Variants in GPALPP1 observed in about 807,000 individuals in gnomAD.
The protein encoded by GPALPP1 is GPALPP motifs-containing protein 1.
GPALPP1 carries 30 observed loss-of-function variants against 38.9 expected under a neutral mutation model. The ratio of observed to expected loss-of-function variants is 0.77; its 90% confidence interval spans 0.58 to 1.05. GPALPP1 has a LOEUF of 1.05. Among genes scored for constraint, GPALPP1 ranks in the 50% least tolerant of loss-of-function variants. GPALPP1 has a pLI of 0.00. For missense variants in GPALPP1, 384 were observed against 408.8 expected, an observed-to-expected ratio of 0.94 and a Z score of 0.52; for synonymous variants, 120 against 139.2, an observed-to-expected ratio of 0.86 and a Z score of 0.97.
chr13:45,006,780 A>T (rs143283149), intron 3 of GPALPP1, among the ~76,000 whole-genome samples: 1 of 152,218 alleles, frequency 6.6e-6, no homozygotes, highest in East Asian at 1.9e-4. Flanking sequence ...CATGTACTTT[A>T]CAGAATTGTG....
At chr13:44,993,609 G>A (rs1016110392) in intron 1 of GPALPP1, among the ~76,000 whole-genome samples, 9 of 151,802 alleles carry the variant, frequency 5.9e-5, no homozygotes, top group African/African-American at 2.2e-4. Flanking sequence ...TTGTACCTGG[G>A]AGGTAGAGGT....
rs114172439 is a variant in GPALPP1 at position 44,993,781 on chromosome 13, C to T, written c.88+4039C>T. 1.5e-3 allele frequency among the ~76,000 whole-genome samples: 229 copies of T among 150,370 alleles called. 2 individuals carry two copies. Among genetic ancestry groups the T allele is most frequent in the African/African-American group, 5.4e-3 (223 of 41,168 alleles). ...CACTGTACAAGGGTCTGTTTCTCCA[C>T]ATCCTCCCAGTGCTTGTTAATTTCT... On this transcript the variant is annotated intron_variant, in intron 1 of 7. Transcript: ENST00000379151.
chr13:45,015,145 T>G, intron 5 of GPALPP1, 62 bp downstream of exon 5: 1 of 1,059,534 alleles, frequency 9.4e-7, no homozygotes, highest in Middle Eastern at 2.5e-4. Flanking sequence ...ATTTTAGAAA[T>G]AAACACTAAA....
At position 45,002,490 on chromosome 13, in the gene GPALPP1, A is replaced by G. The variant is rs1010160440; in HGVS notation, c.89-1815A>G. The G allele has an allele frequency of 3.3e-5, 5 of 152,346 alleles. No homozygotes were observed. The East Asian group carries it at 5.8e-4, about 18-fold the overall frequency. 9.4% of individuals were successfully genotyped at this position (152,346 alleles called of 1,614,324 possible). A position where few individuals can be genotyped will look rare whatever the true frequency, so the allele number is the denominator to read the frequency against. The stretch of plus-strand genomic sequence containing the variant: ...AAAGGGAAAGGGAAAGAGAAGTCCA[A>G]ACTCCTTATTGTAGCCTGTACTAGC... On this transcript the variant is annotated intron_variant, in intron 1 of 7. Transcript: ENST00000379151.
exon 8 of GPALPP1, chr13:45,035,474 A>G (rs990629977): frequency 3.9e-5 from 6 of 152,258 alleles, no homozygotes; most frequent in African/African-American, 1.4e-4. Flanking sequence ...CATTGAGCCT[A>G]TACTTTATCA....
intron 7 of GPALPP1, among the ~76,000 whole-genome samples, chr13:45,024,166 T>TGTGC (rs1378639373): frequency 2.7e-5 from 3 of 112,860 alleles, no homozygotes; most frequent in African/African-American, 1.1e-4. Flanking sequence ...TGTGTGTGTG[T>TGTGC]GTGTGTGTGT....
At chr13:44,997,171 T>C (rs1873356542) in intron 1 of GPALPP1, among the ~76,000 whole-genome samples, 1 of 151,886 alleles carries the variant, frequency 6.6e-6, no homozygotes, top group African/African-American at 2.4e-5. Context: ...GGTGTCAGGA[T>C]TACCTTCAAG....
At chr13:45,005,790 C>T (rs1193388141) in intron 2 of GPALPP1, among the ~76,000 whole-genome samples, 1 of 152,064 alleles carries the variant, frequency 6.6e-6, no homozygotes, top group Non-Finnish European at 1.5e-5. Context: ...TTTGGAAGGC[C>T]AAGGTGGGGA....
At chr13:44,994,239 G>A (rs1466362105) in intron 1 of GPALPP1, among the ~76,000 whole-genome samples, 2 of 140,076 alleles carry the variant, frequency 1.4e-5, no homozygotes, top group African/African-American at 2.8e-5. Flanking sequence ...AAAAAAAAAA[G>A]GGAGAGAGAA....
At chr13:45,005,124 A>T (rs1383617479) in intron 2 of GPALPP1, 1 of 90,982 alleles carries the variant, frequency 1.1e-5, no homozygotes, top group Non-Finnish European at 2.0e-5. Context: ...TTTGAGATGA[A>T]GTCTCACTCT....
At chr13:45,012,207 TC>T (rs2137984543) in intron 4 of GPALPP1, among the ~76,000 whole-genome samples, 1 of 152,230 alleles carries the variant, frequency 6.6e-6, no homozygotes, top group South Asian at 2.1e-4. Context: ...TTCTGCTCTG[TC>T]TGTAAAAGGA....
intron 1 of GPALPP1, among the ~76,000 whole-genome samples, chr13:44,991,186 C>T (rs370620405): frequency 1.3e-5 from 2 of 152,126 alleles, no homozygotes; most frequent in Admixed American, 6.5e-5. Flanking sequence ...CGGTGGCTCA[C>T]GCCTGTGAAC....
chr13:44,989,698 AG>A lies in GPALPP1; in HGVS notation c.46del (p.Ala16ProfsTer95), dbSNP rs747733337. On this transcript the variant is annotated frameshift_variant, in exon 1 of 8. Coordinates refer to ENST00000379151, the MANE Select transcript of GPALPP1 (RefSeq NM_018559.5). LOFTEE classifies it high-confidence loss of function. ...GGACCGGCCCTGCCGCCCGGCTTCA[AG>A]GCCCGCGGAACAGCGGAGGACGAAG... The part of the protein sequence containing the change: ...LIGPALPPGF[K>X]ARGTAEDEER... 1 of 1,611,906 alleles carries A rather than the reference AG, an allele frequency of 6.2e-7. No individual in the cohort carries two copies. Among genetic ancestry groups the A allele is most frequent in the East Asian group, 2.2e-5 (1 of 44,876 alleles).
At chr13:45,024,309 T>TG (rs1566084695) in intron 7 of GPALPP1, among the ~76,000 whole-genome samples, 1 of 144,994 alleles carries the variant, frequency 6.9e-6, no homozygotes, top group African/African-American at 2.6e-5. Context: ...TGTGTGTGTG[T>TG]TTTGAGACTG....
intron 1 of GPALPP1, among the ~76,000 whole-genome samples, chr13:44,996,969 TACTC>T (rs954671366): frequency 1.3e-5 from 2 of 152,032 alleles, no homozygotes; most frequent in Non-Finnish European, 2.9e-5. Context: ...AGAAACTCTG[TACTC>T]ACTAAGTAAT....
At position 45,004,348 on chromosome 13, in the gene GPALPP1, A is replaced by T. The variant is rs1873919897; in HGVS notation, c.132A>T (p.Ser44=). The T allele has an allele frequency of 6.2e-7, 1 of 1,607,614 alleles. No individual in the cohort carries two copies. Among genetic ancestry groups the T allele is most frequent in the African/African-American group, 1.3e-5 (1 of 74,804 alleles). The change falls in exon 2 of 8, where the codon TCA becomes TCT. Residue 44 remains serine (S), a synonymous_variant. Transcript: ENST00000379151. ...ALPPNYKSSS[S]DSSDSDEDSS... ...CCCCTAATTATAAAAGCAGTAGTTC[A>T]GATTCATCAGACAGCGATGAAGACA...
intron 7 of GPALPP1, among the ~76,000 whole-genome samples, chr13:45,024,727 G>A (rs1875716076): frequency 6.7e-6 from 1 of 150,086 alleles, no homozygotes. Flanking sequence ...AGGAGTTCAA[G>A]ACCAGCCTGG....
chr13:45,027,987 G>A lies in GPALPP1; in HGVS notation c.1007G>A (p.Gly336Asp). 6.3e-7 allele frequency: 1 copy of A among 1,587,556 alleles called. No individual in the cohort carries two copies. Among genetic ancestry groups the A allele is most frequent in the Non-Finnish European group, 8.6e-7 (1 of 1,156,974 alleles). ...AACACCAGATTTTCACACGGCAAAG[G>A]CAATATGTTTTTATAAGTAAGTATA... ...ELNTRFSHGK[G>D]NMFL The change falls in exon 8 of 8, where the codon GGC becomes GAC. Residue 336 changes from glycine (G) to aspartate (D), a missense_variant. Physicochemically the swap from Gly to Asp is moderately conservative, Grantham distance 94. Coordinates refer to ENST00000379151, the MANE Select transcript of GPALPP1 (RefSeq NM_018559.5).
At chr13:45,035,883 G>GGGCA (rs1876388476) in exon 8 of GPALPP1, 1 of 152,144 alleles carries the variant, frequency 6.6e-6, no homozygotes, top group South Asian at 2.1e-4. Flanking sequence ...CTGCATTTAT[G>GGGCA]GGCAGACAAG....
Sources: gnomAD v4.1 joint callset for allele counts (sites outside exome capture counted in the v4.1 genomes callset) on GRCh38, gnomAD v4.1.1 for gene constraint, MANE v1.5 for transcripts, NCBI Gene and HGNC (gene_info 2026-07-23, HGNC 2026-07-21) for gene names.